Variants in WAC observed in about 807,000 individuals in gnomAD.
WAC encodes the protein WW domain containing adaptor with coiled-coil.
WAC carries 11 observed loss-of-function variants against 79.6 expected under a neutral mutation model. The ratio of observed to expected loss-of-function variants is 0.14; its 90% CI spans 0.09 to 0.23. The LOEUF (loss-of-function observed/expected upper bound fraction) is 0.23. WAC is among the 10% of genes least tolerant of loss of function. WAC has a pLI of 1.00. For missense variants in WAC, 728 were observed against 773.5 expected, an observed-to-expected ratio of 0.94 and a Z score of 0.70; for synonymous variants, 304 against 276.9, an observed-to-expected ratio of 1.10 and a Z score of -0.97.
intron 2 of WAC, 85 bp from the exon 3 acceptor site, chr10:28,535,477 A>G: frequency 7.1e-7 from 1 of 1,409,808 alleles, no homozygotes; most frequent in Non-Finnish European, 9.5e-7. Context: ...AAATTTAATG[A>G]TAATACACCA....
At chr10:28,610,912 ATTT>A in intron 9 of WAC, 91 bp downstream of exon 9, 2 of 1,119,126 alleles carry the variant, frequency 1.8e-6, no homozygotes, top group South Asian at 2.4e-5. Context: ...TTTTTCTTTC[ATTT>A]TTTTTTTTAG....
chr10:28,612,436 A>T (rs1033669854), intron 10 of WAC, among the ~76,000 whole-genome samples: 1 of 152,166 alleles, frequency 6.6e-6, no homozygotes, highest in Non-Finnish European at 1.5e-5. Flanking sequence ...GAATACAGGG[A>T]CCCATTTTAC....
chr10:28,601,139 T>A (rs332163), intron 7 of WAC, among the ~76,000 whole-genome samples: 150,767 of 152,256 alleles, frequency 0.99, 74,652 homozygotes, highest in East Asian at 1. Flanking sequence ...GTGAAAATGC[T>A]ATTCATAGAA....
chr10:28,619,679 C>A lies in WAC; in HGVS notation c.*73C>A. On this transcript the variant is annotated 3_prime_UTR_variant, in exon 14 of 14. Transcript: ENST00000354911. ...GTTGCCCAATCTTAACATTTTTGAG[C>A]TGCATTTAAGTAGACTTTGGACCGT... The A allele has an allele frequency of 7.5e-7, 1 of 1,338,186 alleles. No homozygotes were observed. The highest frequency in any genetic ancestry group is 1.0e-6 in the Non-Finnish European group (1 of 987,536). The allele number at this position is 1,338,186 out of a possible 1,614,324, so 82.9% of individuals were successfully genotyped here. A position where few individuals can be genotyped will look rare whatever the true frequency, so the allele number is the denominator to read the frequency against.
At chr10:28,560,950 G>C (rs138338904) in intron 3 of WAC, among the ~76,000 whole-genome samples, 4 of 152,298 alleles carry the variant, frequency 2.6e-5, no homozygotes, top group Admixed American at 6.5e-5. Flanking sequence ...AAATGAGACC[G>C]AGAAGGAGTG....
chr10:28,618,428 T>C lies in WAC; in HGVS notation c.1874+644T>C, dbSNP rs149304201. Among the ~76,000 whole-genome samples the C allele has an allele frequency of 1.8e-3, 274 of 152,352 alleles. 3 individuals carry two copies. The highest frequency in any genetic ancestry group is 6.3e-3 in the African/African-American group (262 of 41,582). On this transcript the variant is annotated intron_variant, in intron 13 of 13. Transcript: ENST00000354911. ...AGTAAATACCAAATGGAGTTTATAG[T>C]ACAACTTGAAAAAGTAAGTTTATTT...
chr10:28,573,892 T>C (rs1045349260), intron 3 of WAC, among the ~76,000 whole-genome samples: 1 of 150,046 alleles, frequency 6.7e-6, no homozygotes, highest in Admixed American at 6.6e-5. Flanking sequence ...TCTAAGAAAC[T>C]ATTACTGCAT....
At chr10:28,615,960 C>CA in intron 11 of WAC, 1 of 434,128 alleles carries the variant, frequency 2.3e-6, no homozygotes, top group South Asian at 5.4e-5. Flanking sequence ...TTGACTCTGA[C>CA]AGTAGTGTTA....
intron 3 of WAC, among the ~76,000 whole-genome samples, chr10:28,564,697 G>A (rs1358822521): frequency 2.0e-5 from 3 of 152,180 alleles, no homozygotes; most frequent in Non-Finnish European, 4.4e-5. Flanking sequence ...AGATTTACCT[G>A]CAATTATGAA....
rs748484799 is a variant in WAC at position 28,596,063 on chromosome 10, C to G, written c.919+22C>G. 12 of 1,600,934 alleles carry G rather than the reference C, an allele frequency of 7.5e-6. No individual in the cohort carries two copies. The South Asian group carries it at 1.1e-4, about 15-fold the overall frequency. On this transcript the variant is annotated intron_variant, in intron 7 of 13. Transcript: ENST00000354911. ...AAAGGTATGCCATTATTACTAGATG[C>G]TGCACGTTGAACTATAGTTTCTAAG...
Position 28,533,221 on chromosome 10 carries a change from G to A in WAC, c.-359G>A. 2.4e-5 allele frequency: 4 copies of A among 169,616 alleles called. No homozygotes were observed. The highest frequency in any genetic ancestry group is 5.0e-5 in the Non-Finnish European group (4 of 80,370). The allele number at this position is 169,616 out of a possible 1,614,324, so 10.5% of individuals were successfully genotyped here. ...AGAAGGACCAGGCGGCGGCAGCAGC[G>A]GCGGCGGCGGGGGGAGGAGGGGAGG... is the stretch of plus-strand genomic sequence containing the variant. On this transcript the variant is annotated 5_prime_UTR_variant, in exon 1 of 14. Transcript: ENST00000354911.
intron 9 of WAC, 104 bp downstream of exon 9, chr10:28,610,925 G>GGCTTCTGC: frequency 9.8e-7 from 1 of 1,016,964 alleles, no homozygotes. Context: ...TTTTTTTTTA[G>GGCTTCTGC]TTTTTTAAGA....
At chr10:28,566,965 T>C (rs75055653) in intron 3 of WAC, among the ~76,000 whole-genome samples, 2 of 151,626 alleles carry the variant, frequency 1.3e-5, no homozygotes, top group Admixed American at 6.6e-5. Context: ...TTTTTTTTTT[T>C]CAGGACCTTC....
chr10:28,573,672 G>A (rs1158090262), intron 3 of WAC, among the ~76,000 whole-genome samples: 1 of 152,180 alleles, frequency 6.6e-6, no homozygotes, highest in Non-Finnish European at 1.5e-5. Flanking sequence ...AAAGTCACAT[G>A]TATAGTAGAT....
chr10:28,612,412 A>G (rs1298710929), intron 10 of WAC, among the ~76,000 whole-genome samples: 2 of 152,112 alleles, frequency 1.3e-5, no homozygotes, highest in African/African-American at 2.4e-5. Context: ...AGAATTTGAA[A>G]CCTAGGTGTT....
intron 3 of WAC, among the ~76,000 whole-genome samples, chr10:28,548,053 T>C (rs1837459812): frequency 6.6e-6 from 1 of 151,876 alleles, no homozygotes; most frequent in Non-Finnish European, 1.5e-5. Flanking sequence ...CCCGAGTAGC[T>C]GGGATTACAG....
At chr10:28,573,872 C>A (rs548924176) in intron 3 of WAC, among the ~76,000 whole-genome samples, 2 of 151,958 alleles carry the variant, frequency 1.3e-5, no homozygotes, top group Non-Finnish European at 2.9e-5. Flanking sequence ...ACACCCCCCT[C>A]ACCCTCAGCT....
intron 7 of WAC, among the ~76,000 whole-genome samples, chr10:28,604,234 A>G (rs1840815536): frequency 6.7e-6 from 1 of 149,354 alleles, no homozygotes; most frequent in Non-Finnish European, 1.5e-5. Context: ...CAGCATTATC[A>G]GGTGTTTTTT....
At chr10:28,561,973 G>A (rs184506122) in intron 3 of WAC, among the ~76,000 whole-genome samples, 5 of 152,316 alleles carry the variant, frequency 3.3e-5, no homozygotes, top group Admixed American at 3.3e-4. Flanking sequence ...GAAGGGTAAG[G>A]ATGAGAAGCA....
Sources: allele counts gnomAD v4.1 joint callset (sites outside exome capture counted in the v4.1 genomes callset), GRCh38; gene constraint gnomAD v4.1.1; transcripts MANE v1.5; gene names NCBI Gene and HGNC (gene_info 2026-07-23, HGNC 2026-07-21).